THSD7B: variants seen among roughly 807,000 people sequenced by gnomAD.
THSD7B encodes thrombospondin type 1 domain containing 7B, also known as thrombospondin type-1 domain-containing protein 7B.
THSD7B carries 138 observed loss-of-function variants against 213.6 expected under a neutral mutation model. The observed-to-expected ratio is 0.65, with a 90% CI of 0.56 to 0.74. The LOEUF is 0.74. Among genes scored for constraint, THSD7B ranks in the 30% least tolerant of loss-of-function variants. THSD7B has a pLI of 0.00. For synonymous variants in THSD7B, 742 were observed against 687.0 expected, an observed-to-expected ratio of 1.08 and a Z score of -1.25; for missense variants, 1,931 against 1,991.5, an observed-to-expected ratio of 0.97 and a Z score of 0.58.
At chr2:137,146,165 A>G (rs1416803971) in intron 5 of THSD7B, among the ~76,000 whole-genome samples, 3 of 152,158 alleles carry the variant, frequency 2.0e-5, no homozygotes, top group Non-Finnish European at 4.4e-5. Flanking sequence ...CTCATGCACT[A>G]GAATGCTACC....
intron 2 of THSD7B, among the ~76,000 whole-genome samples, chr2:136,890,378 TCTTCCTCTTCCTCTTCCTCTTCCTCTTCC>T (rs1683807620): frequency 3.3e-3 from 8 of 2,422 alleles, no homozygotes; most frequent in African/African-American, 8.5e-3. Flanking sequence ...TTCTTCTTCC[TCTTCCTCTTCCTCTTCCTCTTCCTCTTCC>T]TCTTCTTCTT....
At chr2:137,465,662 C>G (rs1687977804) in intron 15 of THSD7B, among the ~76,000 whole-genome samples, 1 of 152,060 alleles carries the variant, frequency 6.6e-6, no homozygotes, top group African/African-American at 2.4e-5. Flanking sequence ...CATCTTCCAC[C>G]CTAATGAATG....
chr2:137,079,038 A>T (rs72987511), intron 3 of THSD7B, among the ~76,000 whole-genome samples: 3,359 of 152,192 alleles, frequency 0.022, 121 homozygotes, highest in African/African-American at 0.078. Context: ...ATATTTGTGA[A>T]TGTTCAACTG....
chr2:137,141,630 G>A (rs1679588283), intron 5 of THSD7B, among the ~76,000 whole-genome samples: 1 of 151,938 alleles, frequency 6.6e-6, no homozygotes, highest in South Asian at 2.1e-4. Flanking sequence ...TTACCATGGG[G>A]GAAACTTAGT....
chr2:137,490,440 C>A (rs1688579586), intron 15 of THSD7B, among the ~76,000 whole-genome samples: 1 of 152,026 alleles, frequency 6.6e-6, no homozygotes, highest in Admixed American at 6.5e-5. Flanking sequence ...TTACTTTTTT[C>A]TTTTTTTAAT....
At chr2:137,531,430 T>A (rs1406776063) in intron 15 of THSD7B, among the ~76,000 whole-genome samples, 2 of 151,908 alleles carry the variant, frequency 1.3e-5, no homozygotes, top group Non-Finnish European at 2.9e-5. Context: ...GGGTGAGAAC[T>A]GTTAGTTTGA....
intron 17 of THSD7B, among the ~76,000 whole-genome samples, chr2:137,575,883 T>G (rs150108535): frequency 5.9e-5 from 9 of 152,136 alleles, no homozygotes; most frequent in Non-Finnish European, 1.0e-4. Flanking sequence ...TGTATGTAAG[T>G]ACATGCATAC....
chr2:137,555,524 A>G (rs1680941944), intron 15 of THSD7B, among the ~76,000 whole-genome samples: 1 of 152,246 alleles, frequency 6.6e-6, no homozygotes, highest in South Asian at 2.1e-4. Flanking sequence ...AAGGACATCC[A>G]CACCAAAACC....
intron 15 of THSD7B, among the ~76,000 whole-genome samples, chr2:137,543,473 A>G (rs866255695): frequency 2.6e-5 from 4 of 151,980 alleles, no homozygotes; most frequent in Non-Finnish European, 2.9e-5. Context: ...ATATGAAGAC[A>G]GTTATTTAGC....
At chr2:137,289,221 G>A (rs566021689) in intron 12 of THSD7B, among the ~76,000 whole-genome samples, 83 of 151,334 alleles carry the variant, frequency 5.5e-4, no homozygotes, top group African/African-American at 2.0e-3. Flanking sequence ...ATTGTTATAT[G>A]AATAAAAGGG....
chr2:136,813,246 AC>A (rs1287527524), intron 1 of THSD7B, among the ~76,000 whole-genome samples: 1 of 152,138 alleles, frequency 6.6e-6, no homozygotes, highest in Non-Finnish European at 1.5e-5. Flanking sequence ...TATGTGTCAA[AC>A]AGTCTTTCTT....
intron 2 of THSD7B, among the ~76,000 whole-genome samples, chr2:136,898,577 C>CTG (rs1419039877): frequency 8.9e-6 from 1 of 112,308 alleles, no homozygotes; most frequent in African/African-American, 2.8e-5. Flanking sequence ...CCTTGTCCCC[C>CTG]CGCCCCCCCG....
At chr2:137,223,571 A>G (rs1681424544) in intron 7 of THSD7B, among the ~76,000 whole-genome samples, 1 of 152,140 alleles carries the variant, frequency 6.6e-6, no homozygotes. Flanking sequence ...GCTTATCAAC[A>G]AGTTGGCGTT....
At chr2:137,460,741 A>G (rs1026921075) in intron 15 of THSD7B, among the ~76,000 whole-genome samples, 5 of 152,112 alleles carry the variant, frequency 3.3e-5, no homozygotes, top group African/African-American at 1.2e-4. Flanking sequence ...AGGCACACAA[A>G]TCATTAGGTA....
Position 137,330,432 on chromosome 2 carries a change from A to C in THSD7B, c.2500+54406A>C, listed in dbSNP as rs535849041. 2.0e-5 allele frequency among the ~76,000 whole-genome samples: 3 copies of C among 152,342 alleles called. 1 individual carries two copies. The South Asian group carries it at 6.2e-4, about 32-fold the overall frequency. The stretch of plus-strand genomic sequence containing the variant: ...TGGGTTCTTGGTCTCACTGACTTCA[A>C]GAATGAAGCCGTGGACCCTCATGGT... On this transcript the variant is annotated intron_variant, in intron 12 of 27. Transcript: ENST00000409968.
At chr2:137,266,830 C>T (rs1254111963) in intron 10 of THSD7B, among the ~76,000 whole-genome samples, 2 of 152,144 alleles carry the variant, frequency 1.3e-5, no homozygotes, top group African/African-American at 4.8e-5. Context: ...TCCTGTTCTA[C>T]CACCCACTTG....
chr2:137,634,573 G>C (rs1341859992), intron 20 of THSD7B, among the ~76,000 whole-genome samples: 1 of 152,108 alleles, frequency 6.6e-6, no homozygotes, highest in Non-Finnish European at 1.5e-5. Flanking sequence ...AAATTGGCCA[G>C]AGCTACCAAA....
At chr2:137,518,363 T>C (rs952729451) in intron 15 of THSD7B, among the ~76,000 whole-genome samples, 21 of 152,152 alleles carry the variant, frequency 1.4e-4, no homozygotes, top group Non-Finnish European at 1.5e-5. Flanking sequence ...GTGGGCAGAA[T>C]TTCAAGCACT....
At chr2:137,567,527 A>G (rs1287737744) in intron 16 of THSD7B, among the ~76,000 whole-genome samples, 1 of 152,180 alleles carries the variant, frequency 6.6e-6, no homozygotes, top group Non-Finnish European at 1.5e-5. Context: ...AGGCCCTTGC[A>G]GAATTCCAGG....
Sources: gnomAD v4.1 joint callset for allele counts (sites outside exome capture counted in the v4.1 genomes callset) on GRCh38, gnomAD v4.1.1 for gene constraint, MANE v1.5 for transcripts, NCBI Gene and HGNC (gene_info 2026-07-23, HGNC 2026-07-21) for gene names.